SGMS1: variants seen among roughly 807,000 people sequenced by gnomAD.
SGMS1 encodes the protein phosphatidylcholine:ceramide cholinephosphotransferase 1.
SGMS1 carries 13 observed loss-of-function variants against 46.2 expected under a neutral mutation model. That is an observed-to-expected ratio of 0.28 (90% CI 0.18 to 0.45). SGMS1 has a LOEUF of 0.45. Among genes scored for constraint, SGMS1 ranks in the 20% least tolerant of loss-of-function variants. The pLI, the probability that SGMS1 is intolerant of heterozygous loss-of-function variation, is 1.00. For synonymous variants in SGMS1, 203 were observed against 187.8 expected (o/e 1.08, Z -0.66); for missense variants, 324 against 519.9 (o/e 0.62, Z 3.66).
intron 2 of SGMS1, among the ~76,000 whole-genome samples, chr10:50,533,033 C>T (rs1289618696): frequency 1.3e-5 from 2 of 151,988 alleles, no homozygotes; most frequent in African/African-American, 2.4e-5. Flanking sequence ...GAGACAGGTA[C>T]CGCATAAATC....
At chr10:50,473,579 T>G (rs1292022719) in intron 3 of SGMS1, among the ~76,000 whole-genome samples, 4 of 152,154 alleles carry the variant, frequency 2.6e-5, no homozygotes, top group Non-Finnish European at 1.5e-5. Flanking sequence ...TAAAATGGAC[T>G]AATAAAAAAC....
In SGMS1 at chr10:50,311,374, C is replaced by T. The variant is rs942570615; in HGVS notation, c.783G>A (p.Lys261=). 3.5e-5 allele frequency: 56 copies of T among 1,613,868 alleles called. No individual in the cohort carries two copies. The highest frequency in any genetic ancestry group is 4.7e-5 in the Non-Finnish European group (56 of 1,179,920). ...DWEAQLRRIM[K]LIAGGGLSIT... is the part of the protein sequence containing the mutation. ...TAGACAAGCCACCTCCAGCAATGAGCTTCATTATTCTTCGCAGTTGGGCTT... is the reference window on the plus strand; with the variant it reads ...TAGACAAGCCACCTCCAGCAATGAGTTTCATTATTCTTCGCAGTTGGGCTT... The change falls in exon 9 of 11, where the codon AAG becomes AAA. Residue 261 remains lysine (K), a synonymous_variant. Transcript: ENST00000361781.
chr10:50,360,752 C>A (rs961125731), intron 6 of SGMS1, among the ~76,000 whole-genome samples: 1 of 152,198 alleles, frequency 6.6e-6, no homozygotes, highest in Non-Finnish European at 1.5e-5. Flanking sequence ...GAAAGTCTAA[C>A]ACAGGCTATT....
intron 2 of SGMS1, among the ~76,000 whole-genome samples, chr10:50,574,088 G>A (rs1004505477): frequency 8.5e-5 from 13 of 152,050 alleles, no homozygotes; most frequent in Admixed American, 3.3e-4. Context: ...AAACACAGGG[G>A]GGAAGCTTCT....
intron 6 of SGMS1, among the ~76,000 whole-genome samples, chr10:50,364,941 A>G (rs1182644956): frequency 6.6e-6 from 1 of 152,072 alleles, no homozygotes; most frequent in Non-Finnish European, 1.5e-5. Context: ...TGACTGGGGC[A>G]CCCAGTCACC....
chr10:50,357,071 T>C (rs1366795774), intron 6 of SGMS1, among the ~76,000 whole-genome samples: 4 of 148,272 alleles, frequency 2.7e-5, no homozygotes, highest in East Asian at 2.0e-4. Context: ...ACTTAAAGTA[T>C]AATAAAAAAA....
At chr10:50,413,297 C>T (rs944256426) in intron 6 of SGMS1, among the ~76,000 whole-genome samples, 3 of 152,150 alleles carry the variant, frequency 2.0e-5, no homozygotes, top group Admixed American at 1.3e-4. Flanking sequence ...TCTCAAACCA[C>T]GATAATATAT....
At chr10:50,562,439 A>C (rs1342512286) in intron 2 of SGMS1, among the ~76,000 whole-genome samples, 3 of 151,340 alleles carry the variant, frequency 2.0e-5, no homozygotes, top group African/African-American at 7.3e-5. Context: ...CCTTCCCCCC[A>C]CCACCTCTCT....
chr10:50,467,538 A>G (rs1290247929), intron 3 of SGMS1, among the ~76,000 whole-genome samples: 1 of 152,214 alleles, frequency 6.6e-6, no homozygotes, highest in Non-Finnish European at 1.5e-5. Flanking sequence ...AAATATACAC[A>G]TGAATTAGGG....
At chr10:50,495,766 T>TA (rs35489210) in intron 3 of SGMS1, among the ~76,000 whole-genome samples, 89,250 of 147,304 alleles carry the variant, frequency 0.61, 26,810 homozygotes, top group African/African-American at 0.69. Flanking sequence ...CCAAGAATTA[T>TA]AAAAAAAAAA....
chr10:50,341,241 G>T (rs1464545462), intron 7 of SGMS1: 7 of 437,920 alleles, frequency 1.6e-5, no homozygotes, highest in Admixed American at 1.2e-4. Context: ...CCAGGAAAAG[G>T]TAGTTTATCC....
intron 8 of SGMS1, among the ~76,000 whole-genome samples, chr10:50,322,331 T>C (rs1847458844): frequency 6.6e-6 from 1 of 152,234 alleles, no homozygotes; most frequent in African/African-American, 2.4e-5. Context: ...GATTAACTCA[T>C]CTGATTATGA....
At chr10:50,527,012 C>T (rs1231242630) in intron 2 of SGMS1, among the ~76,000 whole-genome samples, 1 of 145,092 alleles carries the variant, frequency 6.9e-6, no homozygotes, top group Non-Finnish European at 1.5e-5. Flanking sequence ...TTGCAGTGAG[C>T]CGAGATATCG....
intron 3 of SGMS1, among the ~76,000 whole-genome samples, chr10:50,497,012 T>A (rs1363865169): frequency 6.6e-6 from 1 of 152,200 alleles, no homozygotes; most frequent in Non-Finnish European, 1.5e-5. Context: ...GTAAAAGTGA[T>A]CTTAAAAGGG....
chr10:50,531,939 A>AT (rs1374975243), intron 2 of SGMS1, among the ~76,000 whole-genome samples: 1 of 152,194 alleles, frequency 6.6e-6, no homozygotes, highest in African/African-American at 2.4e-5. Flanking sequence ...TCAAGCCAGG[A>AT]TTGCAACCCA....
At chr10:50,539,714 T>C (rs1466678300) in intron 2 of SGMS1, among the ~76,000 whole-genome samples, 4 of 152,240 alleles carry the variant, frequency 2.6e-5, no homozygotes, top group Non-Finnish European at 5.9e-5. Flanking sequence ...CACAGAATGA[T>C]AGTAAACTGA....
chr10:50,595,527 C>T (rs1239272640), intron 1 of SGMS1, among the ~76,000 whole-genome samples: 2 of 152,102 alleles, frequency 1.3e-5, no homozygotes, highest in Non-Finnish European at 2.9e-5. Context: ...ATGTATTATT[C>T]CCATTTTATA....
chr10:50,537,773 T>C (rs915786608), intron 2 of SGMS1, among the ~76,000 whole-genome samples: 2 of 152,060 alleles, frequency 1.3e-5, no homozygotes, highest in Non-Finnish European at 2.9e-5. Context: ...CCCTAGGTCA[T>C]AGAGCTTGTC....
At chr10:50,589,976 C>T (rs746493085) in intron 2 of SGMS1, among the ~76,000 whole-genome samples, 177 bp downstream of exon 2, 7 of 152,182 alleles carry the variant, frequency 4.6e-5, no homozygotes, top group South Asian at 2.1e-4. Context: ...GCAACTTCTA[C>T]ATGTTTCAGC....
Sources: gnomAD v4.1 joint callset for allele counts (sites outside exome capture counted in the v4.1 genomes callset) on GRCh38, gnomAD v4.1.1 for gene constraint, MANE v1.5 for transcripts, NCBI Gene and HGNC (gene_info 2026-07-23, HGNC 2026-07-21) for gene names.